The following TMEM184C variants were observed in gnomAD, a reference collection of about 807,000 sequenced individuals.
TMEM184C encodes the protein transmembrane protein 34.
A neutral mutation model predicts 54.5 loss-of-function variants in TMEM184C; 25 were observed. The ratio of observed to expected loss-of-function variants is 0.46; its 90% CI spans 0.33 to 0.64. The LOEUF is 0.64. TMEM184C is among the 30% of genes least tolerant of loss of function. TMEM184C has a pLI of 0.02. For synonymous variants in TMEM184C, 148 were observed against 181.5 expected (o/e 0.82, Z 1.49); for missense variants, 335 against 520.3 (o/e 0.64, Z 3.46).
intron 9 of TMEM184C, 23 bp from the exon 10 acceptor site, chr4:147,634,146 T>TAACA (rs760763370): frequency 5.0e-6 from 8 of 1,596,314 alleles, no homozygotes; most frequent in Admixed American, 1.7e-5. Flanking sequence ...AACTTTTGAC[T>TAACA]AACAGAAAAC....
intron 6 of TMEM184C, 92 bp from the exon 7 acceptor site, chr4:147,631,301 A>G (rs1465686195): frequency 1.3e-5 from 12 of 938,808 alleles, no homozygotes; most frequent in African/African-American, 5.2e-5. Context: ...TGCCTGAAAC[A>G]TTACTCTGTA....
At chr4:147,627,226 T>C (rs754056018) in intron 4 of TMEM184C, among the ~76,000 whole-genome samples, 2 of 152,154 alleles carry the variant, frequency 1.3e-5, no homozygotes, top group Non-Finnish European at 2.9e-5. Flanking sequence ...TGAGAGTCTT[T>C]GTCAAATGAG....
At chr4:147,631,617 A>G in intron 7 of TMEM184C, 112 bp downstream of exon 7, 1 of 741,736 alleles carries the variant, frequency 1.3e-6, no homozygotes, top group Non-Finnish European at 2.2e-6. Flanking sequence ...AAATGTCTCT[A>G]CTTCTCTTTT....
chr4:147,634,091 G>GTGGGGAGTGGGAGAGGGGGAAT, intron 9 of TMEM184C, 78 bp from the exon 10 acceptor site: 1 of 1,541,816 alleles, frequency 6.5e-7, no homozygotes, highest in Non-Finnish European at 8.7e-7. Flanking sequence ...AGAGGGGGAA[G>GTGGGGAGTGGGAGAGGGGGAAT]TGGGGAGCTT....
In TMEM184C at chr4:147,631,517, T is replaced by G. The variant is rs775052469; in HGVS notation, c.779+12T>G. 3 of 1,577,350 alleles carry G rather than the reference T, an allele frequency of 1.9e-6. No individual in the cohort carries two copies. The East Asian group carries it at 6.8e-5, about 36-fold the overall frequency. Reference sequence around the variant, plus strand: ...TTTGTTTCTTTTTGGTAAGTGTTACTTTTTTTTAAATGTTCTCATTTTTTT... The same window carrying G: ...TTTGTTTCTTTTTGGTAAGTGTTACGTTTTTTTAAATGTTCTCATTTTTTT... On this transcript the variant is annotated intron_variant, in intron 7 of 9. Coordinates refer to ENST00000296582, the MANE Select transcript of TMEM184C (RefSeq NM_018241.3).
In TMEM184C at chr4:147,629,636, T is replaced by G; in HGVS notation, c.610T>G (p.Phe204Val). ...ELLGIYDEGNFSFSNAWTYLV... is the reference protein window; with the variant it reads ...ELLGIYDEGNVSFSNAWTYLV... ...GCTTGGTATATATGACGAAGGGAACTTTAGCTTTTCAAATGCTTGGACTTA... is the reference window on the plus strand; with the variant it reads ...GCTTGGTATATATGACGAAGGGAACGTTAGCTTTTCAAATGCTTGGACTTA... The change falls in exon 6 of 10, where the codon TTT becomes GTT. Residue 204 changes from phenylalanine to valine, a missense_variant. Phe to Val is a conservative substitution (Grantham distance 50). Coordinates refer to ENST00000296582, the MANE Select transcript of TMEM184C (RefSeq NM_018241.3). The G allele has an allele frequency of 4.4e-6, 7 of 1,596,646 alleles. No homozygotes were observed. The highest frequency in any genetic ancestry group is 6.0e-6 in the Non-Finnish European group (7 of 1,173,070).
chr4:147,632,913 G>A lies in TMEM184C; in HGVS notation c.790G>A (p.Val264Ile). 2 of 1,613,744 alleles carry A rather than the reference G, an allele frequency of 1.2e-6. No homozygotes were observed. The highest frequency in any genetic ancestry group is 2.2e-5 in the South Asian group (2 of 91,058). ...VVFVSFWQAV[V>I]IALLVKVGVI... ...TTTCCTAACATATAGGCAAGCAGTA[G>A]TTATTGCTTTGTTGGTAAAAGTTGG... The change falls in exon 8 of 10, where the codon GTT (valine) becomes ATT (isoleucine). Residue 264 changes from valine (V) to isoleucine (I), a missense_variant. Physicochemically the swap from Val to Ile is conservative, Grantham distance 29. Coordinates refer to ENST00000296582, the MANE Select transcript of TMEM184C (RefSeq NM_018241.3).
At chr4:147,629,226 CA>C (rs1732866561) in intron 5 of TMEM184C, among the ~76,000 whole-genome samples, 1 of 152,004 alleles carries the variant, frequency 6.6e-6, no homozygotes, top group Non-Finnish European at 1.5e-5. Flanking sequence ...CAGTTATATA[CA>C]CCTGCATTAT....
At chr4:147,624,653 C>T in intron 3 of TMEM184C, 151 bp from the exon 4 acceptor site, 2 of 654,006 alleles carry the variant, frequency 3.1e-6, no homozygotes, top group Non-Finnish European at 5.2e-6. Context: ...AGATTGATAG[C>T]CCTCATAATG....
Position 147,634,194 on chromosome 4 carries a change from G to GA in TMEM184C, c.1083dup (p.Leu362IlefsTer10). The GA allele has an allele frequency of 6.2e-7, 1 of 1,613,710 alleles. No homozygotes were observed. Among genetic ancestry groups the GA allele is most frequent in the Non-Finnish European group, 8.5e-7 (1 of 1,179,840 alleles). ...GACGGACAGTCAGGGGACATCCCAGGAAAAAATTGTTTCCCGAGGATCAAG... is the reference window on the plus strand; with the variant it reads ...GACGGACAGTCAGGGGACATCCCAGGAAAAAAATTGTTTCCCGAGGATCAAG... On this transcript the variant is annotated frameshift_variant, in exon 10 of 10. Coordinates refer to ENST00000296582, the MANE Select transcript of TMEM184C (RefSeq NM_018241.3). LOFTEE classifies it high-confidence loss of function.
intron 1 of TMEM184C, among the ~76,000 whole-genome samples, chr4:147,621,989 C>CTTT (rs148922114): frequency 3.3e-4 from 47 of 142,206 alleles, no homozygotes; most frequent in Admixed American, 4.2e-4. Flanking sequence ...TTTTTTCTTT[C>CTTT]TTTTTTTTTT....
chr4:147,636,215 A>G lies in TMEM184C; in HGVS notation c.*1781A>G, dbSNP rs1023632203. ...GTTGGAGACATCACATTTCCTAATT[A>G]TAAATTATACTACAAAACTATAGTA... On this transcript the variant is annotated 3_prime_UTR_variant, in exon 10 of 10. Transcript: ENST00000296582. 2 of 152,170 alleles carry G rather than the reference A, an allele frequency of 1.3e-5. No individual in the cohort carries two copies. The highest frequency in any genetic ancestry group is 4.8e-5 in the African/African-American group (2 of 41,462). 9.4% of individuals were successfully genotyped at this position (152,170 alleles called of 1,614,324 possible).
Position 147,624,074 on chromosome 4 carries a change from G to A in TMEM184C, c.267G>A (p.Met89Ile). 1 of 1,606,090 alleles carries A rather than the reference G, an allele frequency of 6.2e-7. No homozygotes were observed. Among genetic ancestry groups the A allele is most frequent in the Non-Finnish European group, 8.5e-7 (1 of 1,173,908 alleles). Reference sequence around the variant, plus strand: ...CCTTTTCCAATAGGATTCTTTGGATGGTACCTATTTACAGTTTAGATAGTG... The same window carrying A: ...CCTTTTCCAATAGGATTCTTTGGATAGTACCTATTTACAGTTTAGATAGTG... ...LQKPIIRILW[M>I]VPIYSLDSWI... Residue 89 changes from methionine (M) to isoleucine (I), a missense_variant, in exon 3 of 10, where the codon ATG (methionine) becomes ATA (isoleucine). Physicochemically the swap from Met to Ile is conservative, Grantham distance 10 (BLOSUM62 1). Coordinates refer to ENST00000296582, the MANE Select transcript of TMEM184C (RefSeq NM_018241.3).
At chr4:147,624,025 T>C in intron 2 of TMEM184C, 37 bp from the exon 3 acceptor site, 29 of 1,611,302 alleles carry the variant, frequency 1.8e-5, no homozygotes, top group Non-Finnish European at 2.4e-5. Flanking sequence ...AAATATGACA[T>C]AAAATGTTTT....
intron 4 of TMEM184C, among the ~76,000 whole-genome samples, chr4:147,627,144 G>A (rs1732829507): frequency 6.6e-6 from 1 of 152,192 alleles, no homozygotes; most frequent in Non-Finnish European, 1.5e-5. Flanking sequence ...ACTGACACAG[G>A]ACAAGGACAA....
At position 147,618,013 on chromosome 4, in the gene TMEM184C, G is replaced by C; in HGVS notation, c.57G>C (p.Ala19=). ...GACAGTGGATTCGACCTTTAGTAGC[G>C]GTCATCTACCTGGTGTCAATAGTGG... ...NWRQWIRPLV[A]VIYLVSIVVA... The change falls in exon 1 of 10, where the codon GCG becomes GCC. Residue 19 remains alanine (A), a synonymous_variant. Coordinates refer to ENST00000296582, the MANE Select transcript of TMEM184C (RefSeq NM_018241.3). 1 of 1,614,130 alleles carries C rather than the reference G, an allele frequency of 6.2e-7. No individual in the cohort carries two copies.
intron 1 of TMEM184C, among the ~76,000 whole-genome samples, 196 bp downstream of exon 1, chr4:147,618,275 G>A (rs751179937): frequency 1.3e-5 from 2 of 152,130 alleles, no homozygotes; most frequent in Non-Finnish European, 2.9e-5. Context: ...AGGTGGGACC[G>A]GGTCGAGAAA....
chr4:147,625,905 G>A (rs1467045835), intron 4 of TMEM184C, among the ~76,000 whole-genome samples: 1 of 152,170 alleles, frequency 6.6e-6, no homozygotes. Context: ...GTCTCCCTAG[G>A]CATTCGGGGA....
Position 147,635,993 on chromosome 4 carries a change from A to G in TMEM184C, c.*1559A>G, listed in dbSNP as rs536198480. 3.9e-4 allele frequency: 59 copies of G among 152,308 alleles called. No individual in the cohort carries two copies. Among genetic ancestry groups the G allele is most frequent in the African/African-American group, 1.3e-3 (56 of 41,582 alleles). 9.4% of individuals were successfully genotyped at this position (152,308 alleles called of 1,614,324 possible). On this transcript the variant is annotated 3_prime_UTR_variant, in exon 10 of 10. Coordinates refer to ENST00000296582, the MANE Select transcript of TMEM184C (RefSeq NM_018241.3). ...TGAAACACTGATGAAAGAAAGACAC[A>G]AATAAATGGAAAGGTATCCCGTGCT...
Sources: allele counts gnomAD v4.1 joint callset (sites outside exome capture counted in the v4.1 genomes callset), GRCh38; gene constraint gnomAD v4.1.1; transcripts MANE v1.5; gene names NCBI Gene and HGNC (gene_info 2026-07-23, HGNC 2026-07-21).